The following PLA2R1 variants were observed in gnomAD, a reference collection of about 807,000 sequenced individuals.
PLA2R1 encodes the protein phospholipase A2 receptor 1.
A neutral mutation model predicts 195.9 loss-of-function variants in PLA2R1; 158 were observed. The observed-to-expected ratio is 0.81, with a 90% CI of 0.71 to 0.92. The LOEUF is 0.92. Ranked by LOEUF, PLA2R1 falls within the 40% of genes least tolerant of loss-of-function variation. The pLI is 0.00. For synonymous variants in PLA2R1, 586 were observed against 598.2 expected (o/e 0.98, Z 0.30); for missense variants, 1,626 against 1,764.6 (o/e 0.92, Z 1.41).
chr2:159,949,726 A>G lies in PLA2R1; in HGVS notation c.3591T>C (p.Phe1197=). 2 of 1,613,762 alleles carry G rather than the reference A, an allele frequency of 1.2e-6. No individual in the cohort carries two copies. The highest frequency in any genetic ancestry group is 1.7e-6 in the Non-Finnish European group (2 of 1,179,670). ...GGAGGGAGGACTCCTCATCTTTCCA[A>G]AAAGTGAAAGAAGATTTGGTGCCAT... is the stretch of plus-strand genomic sequence containing the variant. ...WSDGTKSSFT[F]WKDEESSLLG... The change falls in exon 25 of 30, where the codon TTT becomes TTC. Residue 1197 remains phenylalanine (F), a synonymous_variant. Coordinates refer to ENST00000283243, the MANE Select transcript of PLA2R1 (RefSeq NM_007366.5).
chr2:160,020,642 T>G (rs1418522244), intron 7 of PLA2R1, among the ~76,000 whole-genome samples: 2 of 152,244 alleles, frequency 1.3e-5, no homozygotes, highest in African/African-American at 4.8e-5. Context: ...AGACCTGAGA[T>G]AGCACACTCA....
chr2:159,969,272 A>T lies in PLA2R1; in HGVS notation c.2748T>A (p.Phe916Leu). The T allele has an allele frequency of 6.3e-7, 1 of 1,593,394 alleles. No individual in the cohort carries two copies. Among genetic ancestry groups the T allele is most frequent in the South Asian group, 1.1e-5 (1 of 90,460 alleles). ...TVNNQSQRCGFISSITGLWGS... is the reference protein window; with the variant it reads ...TVNNQSQRCGLISSITGLWGS... ...TAAAATAACCTGTTATAGAAGAAAT[A>T]AAGCCACATCTCTGGCTCTGATTAT... The change falls in exon 19 of 30, where the codon TTT becomes TTA. Residue 916 changes from phenylalanine (F) to leucine (L), a missense_variant. Coordinates refer to ENST00000283243, the MANE Select transcript of PLA2R1 (RefSeq NM_007366.5).
chr2:159,989,145 C>T (rs906045874), intron 11 of PLA2R1, among the ~76,000 whole-genome samples: 1 of 152,172 alleles, frequency 6.6e-6, no homozygotes, highest in Non-Finnish European at 1.5e-5. Flanking sequence ...CATCGGATGG[C>T]TCTACTGGCC....
At chr2:160,039,407 C>T (rs1012396918) in intron 3 of PLA2R1, among the ~76,000 whole-genome samples, 6 of 152,074 alleles carry the variant, frequency 3.9e-5, no homozygotes, top group African/African-American at 1.2e-4. Flanking sequence ...TTATTACATC[C>T]TTCACCGCTA....
chr2:160,028,808 G>C (rs1693675935), intron 5 of PLA2R1, 42 bp downstream of exon 5: 1 of 1,150,290 alleles, frequency 8.7e-7, no homozygotes, highest in South Asian at 1.2e-5. Context: ...AAGGGTGCAA[G>C]ATGATGCCAC....
At chr2:160,004,057 C>A (rs532106508) in intron 11 of PLA2R1, among the ~76,000 whole-genome samples, 2 of 152,310 alleles carry the variant, frequency 1.3e-5, no homozygotes, top group South Asian at 2.1e-4. Flanking sequence ...CCAGCAGGAT[C>A]ATACCAAACA....
intron 9 of PLA2R1, 29 bp downstream of exon 9, chr2:160,016,585 A>C: frequency 1.9e-6 from 2 of 1,071,022 alleles, no homozygotes; most frequent in South Asian, 1.3e-5. Flanking sequence ...AAGTCCCTGT[A>C]CCTAAATTGC....
intron 17 of PLA2R1, 42 bp from the exon 18 acceptor site, chr2:159,970,254 C>T: frequency 2.1e-6 from 3 of 1,413,556 alleles, no homozygotes; most frequent in Non-Finnish European, 3.0e-6. Context: ...TACTTGTTTT[C>T]CTTTTTCACT....
At chr2:159,976,763 A>G in intron 15 of PLA2R1, 43 bp from the exon 16 acceptor site, 1 of 1,512,628 alleles carries the variant, frequency 6.6e-7, no homozygotes, top group Non-Finnish European at 9.2e-7. Flanking sequence ...CTTGCTTCTC[A>G]AGTGCATTGT....
chr2:159,976,693 T>C lies in PLA2R1; in HGVS notation c.2429A>G (p.Tyr810Cys), dbSNP rs754692482. 5.0e-6 allele frequency: 8 copies of C among 1,607,360 alleles called. No homozygotes were observed. Among genetic ancestry groups the C allele is most frequent in the Non-Finnish European group, 6.8e-6 (8 of 1,174,030 alleles). ...GCCAGAGTCATTCTTACCGTACTGGTACCAGAACGGAATCTTGGGTTTCAC... is the reference window on the plus strand; with the variant it reads ...GCCAGAGTCATTCTTACCGTACTGGCACCAGAACGGAATCTTGGGTTTCAC... ...RDVKPKIPFW[Y>C]QYDVPWLFYQ... is the part of the protein sequence containing the mutation. The change falls in exon 16 of 30, where the codon TAC (tyrosine) becomes TGC (cysteine). Residue 810 changes from tyrosine (Y) to cysteine (C), a missense_variant. Transcript: ENST00000283243.
intron 14 of PLA2R1, among the ~76,000 whole-genome samples, chr2:159,977,720 A>G (rs751101747): frequency 6.6e-5 from 10 of 152,014 alleles, no homozygotes; most frequent in Admixed American, 1.3e-4. Context: ...GGCAGATCAC[A>G]AGCTCAGGAG....
intron 1 of PLA2R1, among the ~76,000 whole-genome samples, chr2:160,055,373 C>T (rs1020402490): frequency 1.3e-5 from 2 of 152,162 alleles, no homozygotes; most frequent in Non-Finnish European, 2.9e-5. Flanking sequence ...ACTGAAATTC[C>T]GTTTCCAGAT....
At chr2:159,975,996 C>T (rs1689523813) in intron 17 of PLA2R1, 72 bp downstream of exon 17, 1 of 794,884 alleles carries the variant, frequency 1.3e-6, no homozygotes, top group Admixed American at 2.3e-5. Flanking sequence ...AAAAAACTAT[C>T]CCTCCCTCCC....
At chr2:159,966,791 A>T (rs572680654) in intron 20 of PLA2R1, among the ~76,000 whole-genome samples, 1 of 152,228 alleles carries the variant, frequency 6.6e-6, no homozygotes, top group Non-Finnish European at 1.5e-5. Flanking sequence ...TCTAAGAGTT[A>T]AACAATTATA....
At chr2:159,991,902 T>C (rs1187848080) in intron 11 of PLA2R1, among the ~76,000 whole-genome samples, 8 of 103,128 alleles carry the variant, frequency 7.8e-5, no homozygotes, top group African/African-American at 2.9e-4. Flanking sequence ...TTTGCTATTG[T>C]GAATAATGCC....
At chr2:159,982,295 T>C (rs1690006146) in intron 13 of PLA2R1, among the ~76,000 whole-genome samples, 2 of 152,188 alleles carry the variant, frequency 1.3e-5, no homozygotes, top group Admixed American at 1.3e-4. Flanking sequence ...TTCTTAAACT[T>C]TTCTTCAGAC....
In PLA2R1 at chr2:159,935,386, C is replaced by T. The variant is rs938758729; in HGVS notation, c.*6392G>A. 1 of 152,114 alleles carries T rather than the reference C, an allele frequency of 6.6e-6. No homozygotes were observed. Among genetic ancestry groups the T allele is most frequent in the East Asian group, 1.9e-4 (1 of 5,202 alleles). The allele number at this position is 152,114 out of a possible 1,614,324, so 9.4% of individuals were successfully genotyped here. A position where few individuals can be genotyped will look rare whatever the true frequency, so the allele number is the denominator to read the frequency against. ...TTCCTGATAGTGATTTTTGTTTCTC[C>T]CATTTCTTCTACATTTATCAATTGG... On this transcript the variant is annotated 3_prime_UTR_variant, in exon 30 of 30. Transcript: ENST00000283243.
chr2:159,963,366 T>C (rs1411651491), intron 20 of PLA2R1, among the ~76,000 whole-genome samples: 1 of 152,118 alleles, frequency 6.6e-6, no homozygotes, highest in Non-Finnish European at 1.5e-5. Flanking sequence ...AAAGCACAAG[T>C]GACGGAAGAA....
intron 28 of PLA2R1, among the ~76,000 whole-genome samples, chr2:159,942,372 C>T (rs1378275182): frequency 6.6e-6 from 1 of 152,140 alleles, no homozygotes; most frequent in Non-Finnish European, 1.5e-5. Flanking sequence ...GCTCCCAAAG[C>T]CTAAAATGTT....
Sources: gnomAD v4.1 joint callset for allele counts (sites outside exome capture counted in the v4.1 genomes callset) on GRCh38, gnomAD v4.1.1 for gene constraint, MANE v1.5 for transcripts, NCBI Gene and HGNC (gene_info 2026-07-23, HGNC 2026-07-21) for gene names.